The following NAT2 variants were observed in gnomAD, a reference collection of about 807,000 sequenced individuals.
The protein encoded by NAT2 is N-acetyltransferase 2, also known as arylamine N-acetyltransferase 2.
For missense variants in NAT2, 428 were observed against 339.1 expected, an observed-to-expected ratio of 1.26 and a Z score of -2.06; for synonymous variants, 137 against 125.9, an observed-to-expected ratio of 1.09 and a Z score of -0.59.
At chr8:18,395,482 G>A (rs971296531) in intron 1 of NAT2, among the ~76,000 whole-genome samples, 15 of 152,146 alleles carry the variant, frequency 9.9e-5, no homozygotes, top group South Asian at 8.3e-4. Context: ...TATAAATGTA[G>A]AACAAATAAA....
rs1328178338 is a variant in NAT2, at chr8:18,400,415, A to C, written c.412A>C (p.Ile138Leu). The change falls in exon 2 of 2, where the codon ATT (isoleucine) becomes CTT (leucine). Residue 138 changes from isoleucine to leucine, a missense_variant. Transcript: ENST00000286479. ...CCAGATGTGGCAGCCTCTAGAATTAATTTCTGGGAAGGATCAGCCTCAGGT... is the reference window on the plus strand; with the variant it reads ...CCAGATGTGGCAGCCTCTAGAATTACTTTCTGGGAAGGATCAGCCTCAGGT... ...SSQMWQPLEL[I>L]SGKDQPQVPC... The C allele has an allele frequency of 1.2e-6, 2 of 1,612,012 alleles. No individual in the cohort carries two copies. Among genetic ancestry groups the C allele is most frequent in the African/African-American group, 2.7e-5 (2 of 74,666 alleles).
chr8:18,399,487 TC>T (rs774336149), intron 1 of NAT2, among the ~76,000 whole-genome samples: 1 of 152,214 alleles, frequency 6.6e-6, no homozygotes, highest in Non-Finnish European at 1.5e-5. Flanking sequence ...GTAAACTATT[TC>T]TTGAATCAAT....
chr8:18,394,020 G>C (rs1432438011), intron 1 of NAT2, among the ~76,000 whole-genome samples: 1 of 152,212 alleles, frequency 6.6e-6, no homozygotes, highest in Non-Finnish European at 1.5e-5. Context: ...CCTGGGTGCA[G>C]GCGGGCTGAG....
In NAT2 at chr8:18,400,752, C is replaced by A. The variant is rs996188894; in HGVS notation, c.749C>A (p.Thr250Lys). The change falls in exon 2 of 2, where the codon ACA becomes AAA. Residue 250 changes from threonine to lysine, a missense_variant. Thr to Lys is a moderately conservative substitution (Grantham distance 78, BLOSUM62 -1). Transcript: ENST00000286479. ...TYRKFNYKDN[T>K]DLVEFKTLTE... ...AGAAAATTCAATTATAAAGACAATA[C>A]AGATCTGGTCGAGTTTAAAACTCTC... 6 of 1,613,430 alleles carry A rather than the reference C, an allele frequency of 3.7e-6. No individual in the cohort carries two copies. In the African/African-American group the frequency reaches 6.7e-5, roughly 18 times the overall value.
At position 18,396,284 on chromosome 8, in the gene NAT2, G is replaced by A. The variant is rs1585137122; in HGVS notation, c.-6-3714G>A. Among the ~76,000 whole-genome samples, 3 of 152,182 alleles carry A rather than the reference G, an allele frequency of 2.0e-5. No individual in the cohort carries two copies. In the East Asian group the frequency reaches 5.8e-4, roughly 29 times the overall value. Reference sequence around the variant, plus strand: ...CTTTTTATTTTAAGGTTTAATTTATGCAAAAACTAAATAATCCCTTTCAAA... The same window carrying A: ...CTTTTTATTTTAAGGTTTAATTTATACAAAAACTAAATAATCCCTTTCAAA... On this transcript the variant is annotated intron_variant, in intron 1 of 1. Coordinates refer to ENST00000286479, the MANE Select transcript of NAT2 (RefSeq NM_000015.3).
Position 18,400,403 on chromosome 8 carries a change from C to G in NAT2, c.400C>G (p.Pro134Ala). The part of the protein sequence containing the change: ...GSGSSSQMWQ[P>A]LELISGKDQP... ...TGGAAGCTCCTCCCAGATGTGGCAG[C>G]CTCTAGAATTAATTTCTGGGAAGGA... The change falls in exon 2 of 2, where the codon CCT becomes GCT. Residue 134 changes from proline to alanine, a missense_variant. Pro to Ala is a conservative substitution (Grantham distance 27). Coordinates refer to ENST00000286479, the MANE Select transcript of NAT2 (RefSeq NM_000015.3). 6.2e-7 allele frequency: 1 copy of G among 1,611,562 alleles called. No homozygotes were observed. The highest frequency in any genetic ancestry group is 8.5e-7 in the Non-Finnish European group (1 of 1,179,232).
At chr8:18,392,651 A>G (rs1264634460) in intron 1 of NAT2, among the ~76,000 whole-genome samples, 1 of 152,182 alleles carries the variant, frequency 6.6e-6, no homozygotes, top group Non-Finnish European at 1.5e-5. Flanking sequence ...CAGGAACAAT[A>G]CTTTGAATCC....
At chr8:18,387,770 C>T (rs1210196406), upstream of NAT2, 1 of 153,212 alleles carries the variant, frequency 6.5e-6, no homozygotes, top group African/African-American at 2.4e-5. Flanking sequence ...GTATTTCCTC[C>T]TGCAGTCGCA....
intron 1 of NAT2, among the ~76,000 whole-genome samples, chr8:18,398,984 T>C (rs1479519907): frequency 6.6e-6 from 1 of 152,160 alleles, no homozygotes; most frequent in Non-Finnish European, 1.5e-5. Context: ...ATAACCCTTC[T>C]CTCATCCTGT....
chr8:18,387,706 TC>T (rs1410940922), upstream of NAT2: 3 of 156,106 alleles, frequency 1.9e-5, no homozygotes, highest in African/African-American at 4.8e-5. Flanking sequence ...CGTCGCCTTT[TC>T]TCCAAAGCGC....
chr8:18,399,332 C>G (rs2117620350), intron 1 of NAT2, among the ~76,000 whole-genome samples: 1 of 152,256 alleles, frequency 6.6e-6, no homozygotes, highest in Middle Eastern at 3.4e-3. Flanking sequence ...TTTGTTTTCA[C>G]CAGGCACTTA....
chr8:18,389,261 C>CA (rs1357679419), upstream of NAT2, among the ~76,000 whole-genome samples: 1 of 152,194 alleles, frequency 6.6e-6, no homozygotes, highest in African/African-American at 2.4e-5. Context: ...CACACTCAGT[C>CA]AAAAATGGTC....
chr8:18,393,490 A>G (rs1448313644), intron 1 of NAT2, among the ~76,000 whole-genome samples: 3 of 152,140 alleles, frequency 2.0e-5, no homozygotes, highest in African/African-American at 2.4e-5. Flanking sequence ...AATAAATGTT[A>G]CTATCTGGAG....
At chr8:18,398,897 A>G (rs942381031) in intron 1 of NAT2, among the ~76,000 whole-genome samples, 1 of 152,214 alleles carries the variant, frequency 6.6e-6, no homozygotes, top group Non-Finnish European at 1.5e-5. Flanking sequence ...GACAGCCCAT[A>G]GAGCTCAATA....
At chr8:18,395,127 A>G (rs576803549) in intron 1 of NAT2, among the ~76,000 whole-genome samples, 1 of 152,306 alleles carries the variant, frequency 6.6e-6, no homozygotes, top group African/African-American at 2.4e-5. Context: ...TGGGTGAGCA[A>G]TCTTCATGAA....
At chr8:18,399,265 T>C (rs1400208955) in intron 1 of NAT2, among the ~76,000 whole-genome samples, 1 of 152,204 alleles carries the variant, frequency 6.6e-6, no homozygotes, top group Non-Finnish European at 1.5e-5. Flanking sequence ...AGTGAGCCTT[T>C]CTTTAACCAC....
At chr8:18,395,899 C>G (rs923796) in intron 1 of NAT2, among the ~76,000 whole-genome samples, 51,817 of 150,576 alleles carry the variant, frequency 0.34, 9,571 homozygotes, top group Middle Eastern at 0.43. Context: ...ACAATAAGAC[C>G]TAATAAAGAC....
At chr8:18,389,487 C>T (rs777188391), upstream of NAT2, among the ~76,000 whole-genome samples, 4 of 152,108 alleles carry the variant, frequency 2.6e-5, no homozygotes, top group Non-Finnish European at 4.4e-5. Context: ...CCTATTCACC[C>T]GTATTCACTG....
upstream of NAT2, chr8:18,387,205 T>TGGC (rs1651102513): frequency 6.6e-6 from 1 of 152,562 alleles, no homozygotes; most frequent in African/African-American, 2.4e-5. Context: ...GCTTAGGTTT[T>TGGC]GGCGCCGCCG....
Sources: gnomAD v4.1 joint callset for allele counts (sites outside exome capture counted in the v4.1 genomes callset) on GRCh38, gnomAD v4.1.1 for gene constraint, MANE v1.5 for transcripts, NCBI Gene and HGNC (gene_info 2026-07-23, HGNC 2026-07-21) for gene names.